ANKMY1: variants seen among roughly 807,000 people sequenced by gnomAD.
ANKMY1 encodes the protein ankyrin repeat and MYND domain containing 1.
In ANKMY1, 98 loss-of-function variants were observed where a neutral mutation model predicts 102.0. That is an observed-to-expected ratio of 0.96 (90% CI 0.82 to 1.14). The LOEUF is 1.14. Ranked by LOEUF, ANKMY1 falls within the 50% of genes most tolerant of loss-of-function variation. The pLI is 0.00. For missense variants in ANKMY1, 1,330 were observed against 1,347.6 expected (o/e 0.99, Z 0.20); for synonymous variants, 582 against 559.9 (o/e 1.04, Z -0.56).
At position 240,529,085 on chromosome 2, in the gene ANKMY1, T is replaced by A. The variant is rs199953888; in HGVS notation, c.905A>T (p.Asn302Ile). The A allele has an allele frequency of 1.9e-6, 3 of 1,614,172 alleles. No homozygotes were observed. Among genetic ancestry groups the A allele is most frequent in the Admixed American group, 1.7e-5 (1 of 60,030 alleles). Reference sequence around the variant, plus strand: ...GATTTTGACCAACAAAGGGGTCTCATTGATTATGAACCATGGTTCTCCATC... The same window carrying A: ...GATTTTGACCAACAAAGGGGTCTCAATGATTATGAACCATGGTTCTCCATC... Reference protein sequence around the residue: ...VEDGEPWFIINETPLLVKIQK... With the variant: ...VEDGEPWFIIIETPLLVKIQK... The change falls in exon 5 of 18, where the codon AAT becomes ATT. Residue 302 changes from asparagine to isoleucine, a missense_variant. By Grantham distance (149) the Asn-to-Ile change is moderately radical. Coordinates refer to ENST00000401804, the MANE Select transcript of ANKMY1 (RefSeq NM_001282771.3). The surrounding 1 kb of genome is among the most constrained non-coding windows in gnomAD (Gnocchi z 4.2).
chr2:240,517,531 C>T (rs184454039), intron 9 of ANKMY1, among the ~76,000 whole-genome samples: 85 of 152,290 alleles, frequency 5.6e-4, no homozygotes, highest in Non-Finnish European at 1.0e-3. Flanking sequence ...GACTCTTGGC[C>T]GGGCACAGTG....
At chr2:240,534,724 GAAT>G (rs2086306733) in intron 4 of ANKMY1, among the ~76,000 whole-genome samples, 2 of 152,284 alleles carry the variant, frequency 1.3e-5, no homozygotes, top group East Asian at 3.9e-4. Context: ...AGAATTATAA[GAAT>G]AATAAATCCA....
In ANKMY1 at chr2:240,557,307, A is replaced by C; in HGVS notation, c.29T>G (p.Leu10Ter). 1 of 1,584,232 alleles carries C rather than the reference A, an allele frequency of 6.3e-7. No individual in the cohort carries two copies. Among genetic ancestry groups the C allele is most frequent in the Non-Finnish European group, 8.6e-7 (1 of 1,163,388 alleles). MEGAHASLSLEDEVSGAGSR... is the reference protein window; with the variant it reads MEGAHASLS ...GCCAGCCCCAGAGACTTCGTCCTCT[A>C]AGCTAAGGGAGGCATGGGCCCCTTC... The change falls in exon 2 of 18, where the codon TTA (leucine) becomes TGA (stop). Residue 10 changes from leucine to a stop codon, truncating the protein, a stop_gained. Transcript: ENST00000401804. LOFTEE classifies it high-confidence loss of function.
At chr2:240,546,760 A>C in intron 4 of ANKMY1, among the ~76,000 whole-genome samples, 1 of 152,244 alleles carries the variant, frequency 6.6e-6, no homozygotes, top group Non-Finnish European at 1.5e-5. Context: ...AAAAGAGACA[A>C]AGAAGGCCAT....
downstream of ANKMY1, among the ~76,000 whole-genome samples, chr2:240,474,757 C>CT (rs1230658298): frequency 6.6e-6 from 1 of 152,188 alleles, no homozygotes; most frequent in Non-Finnish European, 1.5e-5. Context: ...TGATCTCATT[C>CT]TTTTTTATGG....
At chr2:240,475,951 G>T (rs2074823415), downstream of ANKMY1, among the ~76,000 whole-genome samples, 1 of 152,094 alleles carries the variant, frequency 6.6e-6, no homozygotes, top group African/African-American at 2.4e-5. Flanking sequence ...TCAATGCAAT[G>T]TCTATCAAAA....
Position 240,496,428 on chromosome 2 carries a change from C to T in ANKMY1, c.2806+3530G>A, listed in dbSNP as rs118083890. Among the ~76,000 whole-genome samples, 184 of 152,058 alleles carry T rather than the reference C, an allele frequency of 1.2e-3. 3 individuals are homozygous for T. In the East Asian group the frequency reaches 0.02, roughly 16 times the overall value. On this transcript the variant is annotated intron_variant, in intron 15 of 17. Coordinates refer to ENST00000401804, the MANE Select transcript of ANKMY1 (RefSeq NM_001282771.3). Reference sequence around the variant, plus strand: ...GATAGATAGATGTGCTTGATGGTGTCCACTTTCCCCTGATGATCTCTTCAT... The same window carrying T: ...GATAGATAGATGTGCTTGATGGTGTTCACTTTCCCCTGATGATCTCTTCAT...
chr2:240,496,829 G>A (rs954517436), intron 15 of ANKMY1, among the ~76,000 whole-genome samples: 41 of 152,156 alleles, frequency 2.7e-4, no homozygotes, highest in Non-Finnish European at 2.9e-5. Flanking sequence ...ATTAGAATTC[G>A]ATCAGAGCTC....
intron 13 of ANKMY1, among the ~76,000 whole-genome samples, chr2:240,501,572 C>T (rs1255842952): frequency 2.6e-5 from 4 of 152,188 alleles, no homozygotes; most frequent in African/African-American, 4.8e-5. Context: ...AGTGCAAGCA[C>T]GGCCAGAAAT....
At chr2:240,500,632 G>T in intron 13 of ANKMY1, 67 bp from the exon 14 acceptor site, 2 of 1,403,370 alleles carry the variant, frequency 1.4e-6, no homozygotes, top group South Asian at 1.2e-5. Flanking sequence ...CGGAAGCACC[G>T]CCTGAGAAGG....
intron 4 of ANKMY1, among the ~76,000 whole-genome samples, chr2:240,543,311 C>A (rs138309165): frequency 1.1e-3 from 168 of 151,428 alleles, no homozygotes; most frequent in African/African-American, 3.8e-3. Context: ...CGAGACCGTA[C>A]CACTGCACTC....
intron 13 of ANKMY1, 61 bp downstream of exon 13, chr2:240,507,499 A>C: frequency 6.7e-7 from 1 of 1,485,106 alleles, no homozygotes. Flanking sequence ...CCCCTCACTC[A>C]GGGCCACCCC....
At position 240,524,195 on chromosome 2, in the gene ANKMY1, G is replaced by A; in HGVS notation, c.1522C>T (p.Gln508Ter). The A allele has an allele frequency of 6.2e-7, 1 of 1,613,874 alleles. No individual in the cohort carries two copies. Among genetic ancestry groups the A allele is most frequent in the Non-Finnish European group, 8.5e-7 (1 of 1,180,030 alleles). The change falls in exon 8 of 18, where the codon CAG (glutamine) becomes TAG (stop). Residue 508 changes from glutamine (Q) to a stop codon, truncating the protein, a stop_gained. Transcript: ENST00000401804. LOFTEE classifies it high-confidence loss of function. ...HEGGHFQDTG[Q>*]CGGSIDHRSS... ...CTGTGGTCTATGGACCCCCCACACT[G>A]CCCGGTGTCCTGGAAGTGGCCGCCC...
chr2:240,517,347 C>G (rs1340475208), intron 9 of ANKMY1, among the ~76,000 whole-genome samples: 1 of 152,148 alleles, frequency 6.6e-6, no homozygotes, highest in Non-Finnish European at 1.5e-5. Flanking sequence ...TCTGTCAGGC[C>G]CAGGAACCTC....
intron 1 of ANKMY1, 82 bp downstream of exon 1, chr2:240,557,799 G>T: frequency 2.2e-6 from 2 of 899,470 alleles, no homozygotes; most frequent in Non-Finnish European, 2.7e-6. Flanking sequence ...CGCGAGCCTG[G>T]CGCCCCCCCG....
intron 4 of ANKMY1, among the ~76,000 whole-genome samples, chr2:240,545,522 C>A (rs1489567320): frequency 6.6e-6 from 1 of 150,728 alleles, no homozygotes; most frequent in Non-Finnish European, 1.5e-5. Context: ...ATGACTTTGA[C>A]GAGCTGAGAG....
downstream of ANKMY1, among the ~76,000 whole-genome samples, chr2:240,475,901 A>C (rs1341391701): frequency 2.6e-5 from 4 of 152,204 alleles, no homozygotes; most frequent in Admixed American, 2.0e-4. Context: ...TTGGAAGAAT[A>C]CTGTTAAAAT....
rs747280167 is a variant in ANKMY1 at position 240,511,987 on chromosome 2, G to A, written c.2160C>T (p.Pro720=). ...TYKPGKLDLL[P]SSLKLSNEPG... ...GCTCATTGCTGAGCTTCAGACTTGA[G>A]GGCAGCAGGTCCAGCTGTGTAAAAC... is the stretch of plus-strand genomic sequence containing the variant. The change falls in exon 11 of 18, where the codon CCC becomes CCT. Residue 720 remains proline (P), a synonymous_variant. Transcript: ENST00000401804. 27 of 1,558,872 alleles carry A rather than the reference G, an allele frequency of 1.7e-5. No homozygotes were observed. The highest frequency in any genetic ancestry group is 2.3e-5 in the South Asian group (2 of 85,584).
chr2:240,491,301 C>T (rs1178828736), intron 15 of ANKMY1, among the ~76,000 whole-genome samples: 1 of 152,088 alleles, frequency 6.6e-6, no homozygotes, highest in East Asian at 1.9e-4. Context: ...ATCCACTTAG[C>T]TATTCTAGCT....
Sources: allele counts gnomAD v4.1 joint callset (sites outside exome capture counted in the v4.1 genomes callset), GRCh38; gene constraint gnomAD v4.1.1; non-coding constraint Gnocchi (gnomAD v3.1); transcripts MANE v1.5; gene names NCBI Gene and HGNC (gene_info 2026-07-23, HGNC 2026-07-21).